The following VOPP1 variants were observed in gnomAD, a reference collection of about 807,000 sequenced individuals.
VOPP1 encodes VOPP1 WW domain binding protein, also known as WW domain binding protein VOPP1.
Under a neutral mutation model 23.5 loss-of-function variants are expected in VOPP1, and 8 were observed. The ratio of observed to expected loss-of-function variants is 0.34; its 90% CI spans 0.20 to 0.61. The LOEUF is 0.61. Among genes scored for constraint, VOPP1 ranks in the 20% least tolerant of loss-of-function variants. The pLI is 0.78. For missense variants in VOPP1, 174 were observed against 238.1 expected (o/e 0.73, Z 1.77); for synonymous variants, 83 against 97.3 (o/e 0.85, Z 0.86).
downstream of VOPP1, among the ~76,000 whole-genome samples, chr7:55,467,989 C>T (rs1260831532): frequency 1.3e-5 from 2 of 152,142 alleles, no homozygotes; most frequent in African/African-American, 4.8e-5. Context: ...GAGAAAAGGC[C>T]CTGGCTGGGG....
rs533866742 is a variant in VOPP1 at position 55,562,988 on chromosome 7, C to T, written c.54+9283G>A. 1.8e-4 allele frequency among the ~76,000 whole-genome samples: 27 copies of T among 152,334 alleles called. No homozygotes were observed. The South Asian group carries it at 4.3e-3, about 25-fold the overall frequency. ...ACTTTTTCCATTTCCATCAGTTATA[C>T]ATGCCCTAACTTGAAATATCCTCGT... On this transcript the variant is annotated intron_variant, in intron 1 of 4. Transcript: ENST00000285279.
At chr7:55,539,237 C>T (rs935169315) in intron 1 of VOPP1, among the ~76,000 whole-genome samples, 16 of 151,988 alleles carry the variant, frequency 1.1e-4, no homozygotes, top group African/African-American at 2.7e-4. Context: ...CCCAGCTACT[C>T]GGGAGGCTGA....
Position 55,547,443 on chromosome 7 carries a change from CTTTAA to C in VOPP1, c.54+24823_54+24827del, listed in dbSNP as rs1223861904. Reference sequence around the variant, plus strand: ...AACAGTGACATGTAAGTACAGGAATCTTTAATTTAAACGTAAGCCTCTGCATACCA... The same window carrying C: ...AACAGTGACATGTAAGTACAGGAATCTTTAAACGTAAGCCTCTGCATACCA... On this transcript the variant is annotated intron_variant, in intron 1 of 4. Transcript: ENST00000285279. Among the ~76,000 whole-genome samples the C allele has an allele frequency of 3.3e-5, 5 of 152,278 alleles. No individual in the cohort carries two copies. The East Asian group carries it at 9.6e-4, about 29-fold the overall frequency.
chr7:55,473,079 G>A (rs1300122166), intron 4 of VOPP1, 34 bp from the exon 5 acceptor site: 3 of 1,574,466 alleles, frequency 1.9e-6, no homozygotes, highest in Admixed American at 2.0e-5. Context: ...GAGCACAGAA[G>A]GGAAAGCCCC....
At chr7:55,492,074 G>A (rs1484563679) in intron 4 of VOPP1, among the ~76,000 whole-genome samples, 1 of 152,192 alleles carries the variant, frequency 6.6e-6, no homozygotes, top group Admixed American at 6.5e-5. Flanking sequence ...ACTGATAACT[G>A]TAAGAATATG....
chr7:55,467,938 G>A (rs969311111), downstream of VOPP1, among the ~76,000 whole-genome samples: 11 of 152,202 alleles, frequency 7.2e-5, no homozygotes, highest in South Asian at 2.1e-4. Flanking sequence ...TTCAGAATAC[G>A]TACTGAAGTG....
chr7:55,560,138 G>A (rs371551475), intron 1 of VOPP1, among the ~76,000 whole-genome samples: 1 of 152,248 alleles, frequency 6.6e-6, no homozygotes, highest in Non-Finnish European at 1.5e-5. Context: ...GGGGAAAAGA[G>A]TGAGGCTCTG....
At chr7:55,551,298 C>A (rs1797596134) in intron 1 of VOPP1, among the ~76,000 whole-genome samples, 1 of 152,216 alleles carries the variant, frequency 6.6e-6, no homozygotes, top group African/African-American at 2.4e-5. Context: ...GAAGTTTTCA[C>A]TGACATCAAA....
At chr7:55,473,519 C>T (rs1349171431) in intron 4 of VOPP1, among the ~76,000 whole-genome samples, 1 of 152,190 alleles carries the variant, frequency 6.6e-6, no homozygotes, top group Non-Finnish European at 1.5e-5. Flanking sequence ...GGAGGCCGTG[C>T]ACCTGGGCAC....
chr7:55,536,275 T>C (rs1796783081), intron 1 of VOPP1, among the ~76,000 whole-genome samples: 1 of 152,194 alleles, frequency 6.6e-6, no homozygotes. Flanking sequence ...ACGCCTGTAA[T>C]CCCAGCACTT....
chr7:55,444,322 C>T (rs900681481), intron 4 of VOPP1, among the ~76,000 whole-genome samples: 2 of 152,148 alleles, frequency 1.3e-5, no homozygotes, highest in South Asian at 2.1e-4. Context: ...CAAATAAAGT[C>T]GCATTCTAAG....
chr7:55,490,085 G>A (rs114391263), intron 4 of VOPP1, among the ~76,000 whole-genome samples: 119 of 152,198 alleles, frequency 7.8e-4, no homozygotes, highest in African/African-American at 2.6e-3. Context: ...CTGTGAATGC[G>A]TCCTCAGTCC....
intron 1 of VOPP1, among the ~76,000 whole-genome samples, chr7:55,534,131 C>CTTTTT: frequency 7.1e-6 from 1 of 140,158 alleles, no homozygotes; most frequent in Non-Finnish European, 1.5e-5. Context: ...TTTCATGTAG[C>CTTTTT]TTTTTTTTTT....
chr7:55,473,021 T>A lies in VOPP1; in HGVS notation c.353A>T (p.Tyr118Phe). 5.6e-6 allele frequency: 9 copies of A among 1,598,932 alleles called. No homozygotes were observed. Among genetic ancestry groups the A allele is most frequent in the Non-Finnish European group, 7.7e-6 (9 of 1,174,168 alleles). ...CCCCGGTCCTCCTGGGTCGGTGTAA[T>A]AGGGCGGCCCCGGCTGCTGGGCTCC... is the stretch of plus-strand genomic sequence containing the variant. ...GPGAQQPGPPYYTDPGGPGMN... is the reference protein window; with the variant it reads ...GPGAQQPGPPFYTDPGGPGMN... The change falls in exon 5 of 5, where the codon TAT becomes TTT. Residue 118 changes from tyrosine to phenylalanine, a missense_variant. By Grantham distance (22) the Tyr-to-Phe change is conservative. Coordinates refer to ENST00000285279, the MANE Select transcript of VOPP1 (RefSeq NM_030796.5).
intron 4 of VOPP1, among the ~76,000 whole-genome samples, chr7:55,448,262 T>C (rs1271139594): frequency 6.6e-6 from 1 of 151,956 alleles, no homozygotes; most frequent in Non-Finnish European, 1.5e-5. Flanking sequence ...TTAGCAAGAA[T>C]GCAAGCAAGA....
At chr7:55,494,747 A>C (rs1002467855) in intron 3 of VOPP1, among the ~76,000 whole-genome samples, 1 of 152,172 alleles carries the variant, frequency 6.6e-6, no homozygotes, top group Non-Finnish European at 1.5e-5. Flanking sequence ...AAAGTGCACC[A>C]TTGTGCTAGG....
chr7:55,506,110 C>T (rs1794707699), intron 2 of VOPP1, among the ~76,000 whole-genome samples: 1 of 152,216 alleles, frequency 6.6e-6, no homozygotes, highest in South Asian at 2.1e-4. Context: ...ACAAGCCCAC[C>T]TCCCATCTCT....
At chr7:55,513,490 C>T (rs567642986) in intron 2 of VOPP1, among the ~76,000 whole-genome samples, 2 of 152,240 alleles carry the variant, frequency 1.3e-5, no homozygotes, top group African/African-American at 4.8e-5. Flanking sequence ...ACATTCTTTC[C>T]TTCAGTGGTA....
At chr7:55,569,915 A>C (rs1030191615) in intron 1 of VOPP1, among the ~76,000 whole-genome samples, 3 of 152,294 alleles carry the variant, frequency 2.0e-5, no homozygotes, top group Admixed American at 1.3e-4. Context: ...CCACTGCCAC[A>C]AGGCCACCCC....
Sources: gnomAD v4.1 joint callset for allele counts (sites outside exome capture counted in the v4.1 genomes callset) on GRCh38, gnomAD v4.1.1 for gene constraint, MANE v1.5 for transcripts, NCBI Gene and HGNC (gene_info 2026-07-23, HGNC 2026-07-21) for gene names.